The following ROBO2 variants were observed in gnomAD, a reference collection of about 807,000 sequenced individuals.
ROBO2 encodes roundabout guidance receptor 2.
Under a neutral mutation model 160.8 loss-of-function variants are expected in ROBO2, and 53 were observed. The observed-to-expected ratio is 0.33, with a 90% CI of 0.26 to 0.41. ROBO2 has a LOEUF of 0.41. Among genes scored for constraint, ROBO2 ranks in the 10% least tolerant of loss-of-function variants. The pLI, the probability that ROBO2 is intolerant of heterozygous loss-of-function variation, is 1.00. For synonymous variants in ROBO2, 664 were observed against 611.7 expected (o/e 1.09, Z -1.26); for missense variants, 1,577 against 1,722.4 (o/e 0.92, Z 1.49).
At chr3:76,745,564 G>A (rs915740409) in intron 2 of ROBO2, among the ~76,000 whole-genome samples, 1 of 151,996 alleles carries the variant, frequency 6.6e-6, no homozygotes, top group African/African-American at 2.4e-5. Context: ...AAATCCAAGT[G>A]ATCCCACCCA....
At chr3:77,165,986 G>A (rs1000555522) in intron 2 of ROBO2, among the ~76,000 whole-genome samples, 2 of 152,132 alleles carry the variant, frequency 1.3e-5, no homozygotes, top group African/African-American at 4.8e-5. Flanking sequence ...CTCTCTGTAT[G>A]TACAACACGT....
intron 2 of ROBO2, among the ~76,000 whole-genome samples, chr3:76,420,447 T>G (rs1286957612): frequency 2.0e-5 from 3 of 152,212 alleles, no homozygotes; most frequent in African/African-American, 4.8e-5. Flanking sequence ...TTGATCTACT[T>G]CTGTGTAAGA....
chr3:76,601,807 G>A (rs927272551), intron 2 of ROBO2, among the ~76,000 whole-genome samples: 1 of 152,158 alleles, frequency 6.6e-6, no homozygotes, highest in Non-Finnish European at 1.5e-5. Flanking sequence ...GCAAATTTCT[G>A]CAGCCAGCAT....
chr3:76,514,730 C>T (rs1023382347), intron 2 of ROBO2, among the ~76,000 whole-genome samples: 1 of 152,172 alleles, frequency 6.6e-6, no homozygotes, highest in Non-Finnish European at 1.5e-5. Context: ...CTCACTTTCT[C>T]TAGCTACCAT....
At chr3:76,736,775 T>G (rs1340801018) in intron 2 of ROBO2, among the ~76,000 whole-genome samples, 6 of 152,224 alleles carry the variant, frequency 3.9e-5, no homozygotes, top group Admixed American at 3.9e-4. Flanking sequence ...ACATAATTCG[T>G]GTACTGAATC....
intron 2 of ROBO2, among the ~76,000 whole-genome samples, chr3:77,230,899 G>C (rs1203292128): frequency 6.6e-6 from 1 of 152,080 alleles, no homozygotes; most frequent in African/African-American, 2.4e-5. Flanking sequence ...AGCGTATCTA[G>C]ATTTTGATTT....
chr3:76,461,982 TTATC>T (rs1439935245), intron 2 of ROBO2, among the ~76,000 whole-genome samples: 1 of 152,120 alleles, frequency 6.6e-6, no homozygotes, highest in Non-Finnish European at 1.5e-5. Flanking sequence ...TTTCAGTTCT[TTATC>T]TAATCCTCTT....
At chr3:77,011,400 G>C (rs2061914485) in intron 2 of ROBO2, among the ~76,000 whole-genome samples, 1 of 152,112 alleles carries the variant, frequency 6.6e-6, no homozygotes, top group Non-Finnish European at 1.5e-5. Flanking sequence ...ACATGTTTCT[G>C]TGTCAAGTAT....
intron 2 of ROBO2, among the ~76,000 whole-genome samples, chr3:76,268,120 A>G (rs1356117534): frequency 6.6e-6 from 1 of 152,152 alleles, no homozygotes; most frequent in East Asian, 1.9e-4. Context: ...ATACACATAA[A>G]TTATCCAAGG....
At chr3:76,617,769 A>G (rs1333115290) in intron 2 of ROBO2, among the ~76,000 whole-genome samples, 1 of 149,076 alleles carries the variant, frequency 6.7e-6, no homozygotes, top group East Asian at 1.9e-4. Context: ...AAGAAAAGAG[A>G]TGTAACTGAT....
At chr3:77,160,434 G>C (rs1055406174) in intron 2 of ROBO2, among the ~76,000 whole-genome samples, 5 of 152,096 alleles carry the variant, frequency 3.3e-5, no homozygotes, top group Admixed American at 1.3e-4. Context: ...CCATTCACAT[G>C]ATTTTGAGAT....
At chr3:76,046,489 A>G (rs1462973681) in intron 2 of ROBO2, among the ~76,000 whole-genome samples, 1 of 151,634 alleles carries the variant, frequency 6.6e-6, no homozygotes, top group Non-Finnish European at 1.5e-5. Context: ...CTCTACTAAA[A>G]ATACAAAAAA....
intron 2 of ROBO2, among the ~76,000 whole-genome samples, chr3:77,388,240 A>G (rs2074341713): frequency 6.6e-6 from 1 of 152,136 alleles, no homozygotes; most frequent in South Asian, 2.1e-4. Context: ...TTTTCAATGT[A>G]TATTCAACAA....
At chr3:77,018,576 A>G (rs1428283224) in intron 2 of ROBO2, among the ~76,000 whole-genome samples, 1 of 152,230 alleles carries the variant, frequency 6.6e-6, no homozygotes, top group African/African-American at 2.4e-5. Flanking sequence ...GTGATGTACA[A>G]CAGGTTATTA....
chr3:76,628,372 C>CTCACACTACA (rs2089804257), intron 2 of ROBO2, among the ~76,000 whole-genome samples: 3 of 152,078 alleles, frequency 2.0e-5, no homozygotes, highest in East Asian at 3.9e-4. Context: ...TCAAGTGACC[C>CTCACACTACA]TCACACTACA....
intron 2 of ROBO2, among the ~76,000 whole-genome samples, chr3:76,937,931 G>A (rs755586688): frequency 3.3e-5 from 5 of 152,062 alleles, no homozygotes; most frequent in African/African-American, 4.8e-5. Flanking sequence ...GTTCTGTTTG[G>A]AATATTAACA....
At chr3:76,827,664 A>G (rs2066705340) in intron 2 of ROBO2, among the ~76,000 whole-genome samples, 1 of 152,116 alleles carries the variant, frequency 6.6e-6, no homozygotes, top group African/African-American at 2.4e-5. Context: ...CATTTTCACA[A>G]TTCAGTTCAA....
chr3:77,055,466 T>C (rs2065646605), intron 1 of ROBO2, among the ~76,000 whole-genome samples: 1 of 152,152 alleles, frequency 6.6e-6, no homozygotes, highest in Non-Finnish European at 1.5e-5. Context: ...ATCATAGAAA[T>C]AGAGGTGCTG....
Position 76,355,571 on chromosome 3 carries a change from C to T in ROBO2, c.109+417969C>T, listed in dbSNP as rs140169495. 9.7e-4 allele frequency among the ~76,000 whole-genome samples: 147 copies of T among 151,866 alleles called. 1 individual carries two copies. Among genetic ancestry groups the T allele is most frequent in the Middle Eastern group, 3.4e-3 (1 of 294 alleles). On this transcript the variant is annotated intron_variant, in intron 2 of 26. Coordinates refer to the ROBO2 transcript ENST00000487694. The stretch of plus-strand genomic sequence containing the variant: ...GCAAATATTCTAACCTATATATTCA[C>T]TTATTCCTTAAAATTCACGGATAAT...
Sources: gnomAD v4.1 joint callset for allele counts (sites outside exome capture counted in the v4.1 genomes callset) on GRCh38, gnomAD v4.1.1 for gene constraint, MANE v1.5 for transcripts, NCBI Gene and HGNC (gene_info 2026-07-23, HGNC 2026-07-21) for gene names.